AGBL4: variants seen among roughly 807,000 people sequenced by gnomAD.
The protein encoded by AGBL4 is AGBL carboxypeptidase 4, also known as cytosolic carboxypeptidase 6.
In AGBL4, 58 loss-of-function variants were observed where a neutral mutation model predicts 66.4. The observed-to-expected ratio is 0.87, with a 90% CI of 0.71 to 1.09. The LOEUF (loss-of-function observed/expected upper bound fraction) is 1.09, where lower values mean the gene tolerates loss of function less well. AGBL4 is among the 50% of genes least tolerant of loss of function. The pLI is 0.00. For synonymous variants in AGBL4, 234 were observed against 222.9 expected (o/e 1.05, Z -0.44); for missense variants, 579 against 631.0 (o/e 0.92, Z 0.88).
intron 4 of AGBL4, among the ~76,000 whole-genome samples, chr1:49,190,603 T>TA (rs1176591808): frequency 1.3e-5 from 2 of 152,146 alleles, no homozygotes; most frequent in African/African-American, 2.4e-5. Flanking sequence ...GGTGGGTAAT[T>TA]AAAAGTCCCA....
At chr1:49,088,841 C>G (rs891929944) in intron 4 of AGBL4, among the ~76,000 whole-genome samples, 1 of 152,082 alleles carries the variant, frequency 6.6e-6, no homozygotes, top group African/African-American at 2.4e-5. Flanking sequence ...AAATTGACCT[C>G]ACAATTTGGC....
At chr1:49,059,152 A>G (rs1327167435) in intron 4 of AGBL4, among the ~76,000 whole-genome samples, 1 of 152,170 alleles carries the variant, frequency 6.6e-6, no homozygotes, top group Non-Finnish European at 1.5e-5. Context: ...CTCTTATCAC[A>G]GGCCCAGAGG....
At chr1:49,401,895 G>A (rs553483657) in intron 3 of AGBL4, among the ~76,000 whole-genome samples, 1 of 152,122 alleles carries the variant, frequency 6.6e-6, no homozygotes, top group South Asian at 2.1e-4. Context: ...ATTTCTTCAA[G>A]TTTCAATACT....
At chr1:49,771,851 A>T (rs1156866849) in intron 2 of AGBL4, among the ~76,000 whole-genome samples, 1 of 151,814 alleles carries the variant, frequency 6.6e-6, no homozygotes, top group Non-Finnish European at 1.5e-5. Flanking sequence ...CTTCATTTTC[A>T]GCCCTGTATT....
intron 1 of AGBL4, among the ~76,000 whole-genome samples, chr1:49,976,076 C>CT (rs1333481790): frequency 4.6e-5 from 7 of 152,162 alleles, no homozygotes; most frequent in African/African-American, 1.7e-4. Flanking sequence ...CAGCCACCTG[C>CT]TAATTTCACC....
At chr1:49,853,092 T>C (rs1206155155) in intron 1 of AGBL4, among the ~76,000 whole-genome samples, 1 of 152,136 alleles carries the variant, frequency 6.6e-6, no homozygotes, top group East Asian at 1.9e-4. Context: ...AATAAAAAAT[T>C]GTGAGACATA....
At chr1:49,198,639 C>T (rs900755021) in intron 4 of AGBL4, among the ~76,000 whole-genome samples, 2 of 152,070 alleles carry the variant, frequency 1.3e-5, no homozygotes, top group South Asian at 2.1e-4. Flanking sequence ...ACCCGGCCAA[C>T]GGTGTGAATC....
chr1:48,680,845 A>C (rs1235846854), intron 6 of AGBL4, among the ~76,000 whole-genome samples: 1 of 152,186 alleles, frequency 6.6e-6, no homozygotes, highest in Non-Finnish European at 1.5e-5. Context: ...CGAGAGTGCA[A>C]CCTGGGGCAG....
At chr1:49,345,887 C>G (rs1015884012) in intron 3 of AGBL4, among the ~76,000 whole-genome samples, 14 of 152,062 alleles carry the variant, frequency 9.2e-5, no homozygotes, top group African/African-American at 3.4e-4. Flanking sequence ...TTTACCAAGG[C>G]TTTGACTGGA....
At chr1:49,463,817 G>T (rs920385308) in intron 3 of AGBL4, among the ~76,000 whole-genome samples, 1 of 151,738 alleles carries the variant, frequency 6.6e-6, no homozygotes, top group Admixed American at 6.6e-5. Context: ...TGTGCTAAGA[G>T]TATAAATAAC....
intron 5 of AGBL4, among the ~76,000 whole-genome samples, chr1:48,925,714 G>A (rs1654496705): frequency 6.6e-6 from 1 of 152,168 alleles, no homozygotes; most frequent in Admixed American, 6.6e-5. Context: ...TTGATCTGTA[G>A]TTAGTTGTAG....
At chr1:49,495,886 A>G (rs10888659) in intron 3 of AGBL4, among the ~76,000 whole-genome samples, 14,021 of 151,984 alleles carry the variant, frequency 0.092, 881 homozygotes, top group African/African-American at 0.16. Context: ...AAACTATGAG[A>G]TCTTGGGAAG....
intron 3 of AGBL4, among the ~76,000 whole-genome samples, chr1:49,255,202 A>G (rs1482991657): frequency 6.6e-6 from 1 of 152,212 alleles, no homozygotes; most frequent in Non-Finnish European, 1.5e-5. Context: ...AAGCAAAATA[A>G]ACTATCAGTA....
At position 49,350,195 on chromosome 1, in the gene AGBL4, T is replaced by TG. The variant is rs1020166396; in HGVS notation, c.283-104332_283-104331insC. Among the ~76,000 whole-genome samples the TG allele has an allele frequency of 4.0e-5, 6 of 150,500 alleles. No individual in the cohort carries two copies. In the East Asian group the frequency reaches 9.7e-4, roughly 24 times the overall value. ...TACTTCAATGAATATTTGTTTTTTT[T>TG]TTTGTTTTGTTTTGTTTTTTTTTTT... On this transcript the variant is annotated intron_variant, in intron 3 of 13. Coordinates refer to ENST00000371839, the MANE Select transcript of AGBL4 (RefSeq NM_032785.4).
intron 3 of AGBL4, among the ~76,000 whole-genome samples, chr1:49,288,964 A>C (rs146562499): frequency 6.6e-6 from 1 of 152,108 alleles, no homozygotes; most frequent in East Asian, 1.9e-4. Context: ...GCATCAACTA[A>C]ATTTACAGAC....
At chr1:48,849,837 G>A (rs1177910120) in intron 6 of AGBL4, among the ~76,000 whole-genome samples, 2 of 152,118 alleles carry the variant, frequency 1.3e-5, no homozygotes, top group African/African-American at 4.8e-5. Context: ...GCTGGGTGTG[G>A]TGGCATGTGC....
At chr1:49,692,501 G>A (rs926042860) in intron 3 of AGBL4, among the ~76,000 whole-genome samples, 29 of 152,102 alleles carry the variant, frequency 1.9e-4, no homozygotes, top group Admixed American at 1.3e-3. Flanking sequence ...GGTGGATCAC[G>A]AGGTCAGGAG....
At chr1:48,982,610 A>T (rs1659868037) in intron 5 of AGBL4, among the ~76,000 whole-genome samples, 1 of 152,128 alleles carries the variant, frequency 6.6e-6, no homozygotes, top group Non-Finnish European at 1.5e-5. Flanking sequence ...ATTGTTGGAC[A>T]TTTGGGTTGG....
intron 9 of AGBL4, among the ~76,000 whole-genome samples, chr1:48,623,708 A>C (rs540804059): frequency 6.6e-6 from 1 of 152,206 alleles, no homozygotes; most frequent in Admixed American, 6.5e-5. Flanking sequence ...ACACCCTAAA[A>C]TGTAACCTGT....
Sources: gnomAD v4.1 joint callset for allele counts (sites outside exome capture counted in the v4.1 genomes callset) on GRCh38, gnomAD v4.1.1 for gene constraint, MANE v1.5 for transcripts, NCBI Gene and HGNC (gene_info 2026-07-23, HGNC 2026-07-21) for gene names.